Variants in GRM1 observed in about 807,000 individuals in gnomAD.
GRM1 encodes glutamate metabotropic receptor 1.
In GRM1, 33 loss-of-function variants were observed where a neutral mutation model predicts 90.9. The ratio of observed to expected loss-of-function variants is 0.36; its 90% CI spans 0.28 to 0.49. GRM1 has a LOEUF of 0.49. Among genes scored for constraint, GRM1 ranks in the 20% least tolerant of loss-of-function variants. The pLI is 0.99. For missense variants in GRM1, 1,190 were observed against 1,534.3 expected (o/e 0.78, Z 3.75); for synonymous variants, 700 against 613.2 (o/e 1.14, Z -2.09).
At chr6:146,140,281 A>AT (rs1776822667) in intron 1 of GRM1, among the ~76,000 whole-genome samples, 1 of 148,164 alleles carries the variant, frequency 6.7e-6, no homozygotes, top group South Asian at 2.2e-4. Flanking sequence ...GATTATTATT[A>AT]TTTTTTGAGA....
intron 3 of GRM1, among the ~76,000 whole-genome samples, chr6:146,312,830 G>A (rs1783823417): frequency 1.3e-5 from 2 of 152,198 alleles, no homozygotes; most frequent in Non-Finnish European, 2.9e-5. Flanking sequence ...ATGAGCCAAC[G>A]CTGCCAGCTT....
At position 146,314,117 on chromosome 6, in the gene GRM1, A is replaced by AATG. The variant is rs540294718; in HGVS notation, c.1186+9272_1186+9274dup. Among the ~76,000 whole-genome samples the AATG allele has an allele frequency of 2.2e-3, 254 of 115,910 alleles. 1 individual carries two copies. The Middle Eastern group carries it at 0.023, about 11-fold the overall frequency. The allele number at this position is 115,910 out of a possible 152,430, so 76.0% of individuals were successfully genotyped here. On this transcript the variant is annotated intron_variant, in intron 3 of 7. Coordinates refer to ENST00000282753, the MANE Select transcript of GRM1 (RefSeq NM_001278064.2). ...AGTCTTGCTCTGTTGCCCAGGCTGG[A>AATG]ATGCAATAGCTGGATCTTGGCTCAT...
chr6:146,348,791 G>A (rs58526573), intron 3 of GRM1, among the ~76,000 whole-genome samples: 2,329 of 152,270 alleles, frequency 0.015, 40 homozygotes, highest in African/African-American at 0.052. Context: ...GCTTGACAAT[G>A]GTGCCAGGGC....
At chr6:146,059,193 G>T (rs1263315103) in intron 1 of GRM1, among the ~76,000 whole-genome samples, 1 of 152,062 alleles carries the variant, frequency 6.6e-6, no homozygotes, top group East Asian at 1.9e-4. Flanking sequence ...TTCATGAAAT[G>T]CATTTCTTAA....
chr6:146,323,556 A>G (rs978090312), intron 3 of GRM1, among the ~76,000 whole-genome samples: 1 of 152,044 alleles, frequency 6.6e-6, no homozygotes, highest in Non-Finnish European at 1.5e-5. Flanking sequence ...GTTCACTCTG[A>G]TGGTAGTTTC....
At chr6:146,248,641 G>A (rs774856268) in intron 2 of GRM1, among the ~76,000 whole-genome samples, 1 of 152,208 alleles carries the variant, frequency 6.6e-6, no homozygotes, top group Non-Finnish European at 1.5e-5. Context: ...TAGCCTTATA[G>A]CAGTGTGAAA....
At chr6:146,347,251 A>G (rs1371850624) in intron 3 of GRM1, among the ~76,000 whole-genome samples, 1 of 152,218 alleles carries the variant, frequency 6.6e-6, no homozygotes, top group African/African-American at 2.4e-5. Context: ...CTAGTTGGGT[A>G]GGACTGCTGC....
chr6:146,268,451 A>G (rs1453602953), intron 2 of GRM1, among the ~76,000 whole-genome samples: 1 of 152,060 alleles, frequency 6.6e-6, no homozygotes, highest in African/African-American at 2.4e-5. Context: ...ATCATTATCC[A>G]TTTACTTATT....
intron 6 of GRM1, among the ~76,000 whole-genome samples, chr6:146,392,017 G>A (rs1776740826): frequency 1.3e-5 from 2 of 152,196 alleles, no homozygotes; most frequent in African/African-American, 4.8e-5. Flanking sequence ...GCTAGATTTG[G>A]ACAACTTTAT....
At chr6:146,168,327 A>G (rs1777983666) in intron 2 of GRM1, among the ~76,000 whole-genome samples, 1 of 151,968 alleles carries the variant, frequency 6.6e-6, no homozygotes, top group African/African-American at 2.4e-5. Context: ...TGTCCCAAGA[A>G]TATTATACTG....
chr6:146,032,133 A>G (rs1174924438), intron 1 of GRM1, among the ~76,000 whole-genome samples: 1 of 152,168 alleles, frequency 6.6e-6, no homozygotes, highest in African/African-American at 2.4e-5. Flanking sequence ...GAAAGGACTA[A>G]TATTATAATT....
chr6:146,085,736 A>C (rs1323081838), intron 1 of GRM1, among the ~76,000 whole-genome samples: 1 of 152,188 alleles, frequency 6.6e-6, no homozygotes, highest in Non-Finnish European at 1.5e-5. Flanking sequence ...TCGATTATAC[A>C]TTAATCTCAA....
intron 3 of GRM1, among the ~76,000 whole-genome samples, chr6:146,339,366 A>C (rs1470126077): frequency 6.6e-6 from 1 of 152,210 alleles, no homozygotes; most frequent in African/African-American, 2.4e-5. Flanking sequence ...TTTCAGACTA[A>C]AATAATAATC....
At chr6:146,404,965 G>A (rs1777292334) in intron 7 of GRM1, among the ~76,000 whole-genome samples, 1 of 152,088 alleles carries the variant, frequency 6.6e-6, no homozygotes, top group African/African-American at 2.4e-5. Context: ...ATATGAAAAA[G>A]TTTTCTGAGC....
chr6:146,394,553 C>T (rs1776857889), intron 6 of GRM1, among the ~76,000 whole-genome samples: 1 of 152,050 alleles, frequency 6.6e-6, no homozygotes, highest in Non-Finnish European at 1.5e-5. Flanking sequence ...TGCAGAGCTT[C>T]AGTTTAAAAT....
chr6:146,435,061 A>G lies in GRM1; in HGVS notation c.*265A>G. 1 of 582,328 alleles carries G rather than the reference A, an allele frequency of 1.7e-6. No individual in the cohort carries two copies. The highest frequency in any genetic ancestry group is 3.0e-5 in the Admixed American group (1 of 33,506). 36.1% of individuals were successfully genotyped at this position (582,328 alleles called of 1,614,324 possible). A position where few individuals can be genotyped will look rare whatever the true frequency, so the allele number is the denominator to read the frequency against. ...GGAAGAAAGGGAATTCTGACAAAGC[A>G]CAATTCCATATGGTATGTAACTTTT... On this transcript the variant is annotated 3_prime_UTR_variant, in exon 8 of 8. Coordinates refer to ENST00000282753, the MANE Select transcript of GRM1 (RefSeq NM_001278064.2).
intron 7 of GRM1, among the ~76,000 whole-genome samples, chr6:146,426,373 G>A (rs7773348): frequency 1.3e-5 from 2 of 152,012 alleles, no homozygotes; most frequent in African/African-American, 4.8e-5. Context: ...CCCACTGACA[G>A]GGTTTTAAGA....
At chr6:146,303,798 C>T (rs1583298141) in intron 2 of GRM1, among the ~76,000 whole-genome samples, 1 of 152,096 alleles carries the variant, frequency 6.6e-6, no homozygotes, top group South Asian at 2.1e-4. Flanking sequence ...TGAACAGAGT[C>T]TTCTTTGCAT....
intron 2 of GRM1, among the ~76,000 whole-genome samples, chr6:146,182,879 C>T (rs1395622326): frequency 6.6e-6 from 1 of 151,994 alleles, no homozygotes; most frequent in Non-Finnish European, 1.5e-5. Context: ...AAATTAGTAA[C>T]AGAAATACCT....
Sources: gnomAD v4.1 joint callset for allele counts (sites outside exome capture counted in the v4.1 genomes callset) on GRCh38, gnomAD v4.1.1 for gene constraint, MANE v1.5 for transcripts, NCBI Gene and HGNC (gene_info 2026-07-23, HGNC 2026-07-21) for gene names.